SUMF1: variants seen among roughly 807,000 people sequenced by gnomAD.
The protein encoded by SUMF1 is formylglycine-generating enzyme.
Under a neutral mutation model 47.6 loss-of-function variants are expected in SUMF1, and 48 were observed. The observed-to-expected ratio is 1.01, with a 90% CI of 0.80 to 1.28. The LOEUF (loss-of-function observed/expected upper bound fraction) is 1.28. SUMF1 is among the 50% of genes most tolerant of loss of function. SUMF1 has a pLI of 0.00. For synonymous variants in SUMF1, 230 were observed against 192.1 expected (o/e 1.20, Z -1.63); for missense variants, 571 against 485.4 (o/e 1.18, Z -1.66).
intron 8 of SUMF1, among the ~76,000 whole-genome samples, chr3:4,304,809 G>T (rs1473450489): frequency 6.6e-6 from 1 of 152,110 alleles, no homozygotes; most frequent in Non-Finnish European, 1.5e-5. Context: ...AAATATGAGT[G>T]ACCATGGCCT....
intron 3 of SUMF1, among the ~76,000 whole-genome samples, chr3:4,442,256 T>TA (rs1702616963): frequency 1.6e-4 from 18 of 115,960 alleles, no homozygotes; most frequent in African/African-American, 4.7e-4. Context: ...CACCATGAAC[T>TA]CTTTTTTTTT....
At chr3:4,373,492 C>T (rs1353398148) in intron 8 of SUMF1, among the ~76,000 whole-genome samples, 1 of 151,996 alleles carries the variant, frequency 6.6e-6, no homozygotes, top group Non-Finnish European at 1.5e-5. Context: ...CTGGCTCACA[C>T]CTGTAGTCCC....
At chr3:4,219,895 GT>G (rs1696023268) in intron 8 of SUMF1, among the ~76,000 whole-genome samples, 1 of 152,116 alleles carries the variant, frequency 6.6e-6, no homozygotes, top group African/African-American at 2.4e-5. Flanking sequence ...ATCCTGGGAT[GT>G]TTTAAGCCAG....
intron 8 of SUMF1, among the ~76,000 whole-genome samples, chr3:4,369,550 G>C (rs574069937): frequency 6.6e-6 from 1 of 152,174 alleles, no homozygotes; most frequent in Non-Finnish European, 1.5e-5. Context: ...TCAGGTTCAG[G>C]GGGAGCTACA....
At chr3:4,124,284 T>A (rs1693607608) in intron 8 of SUMF1, among the ~76,000 whole-genome samples, 2 of 152,126 alleles carry the variant, frequency 1.3e-5, no homozygotes, top group Admixed American at 6.5e-5. Context: ...CAAATGCCCA[T>A]TCAATTCAAT....
intron 8 of SUMF1, among the ~76,000 whole-genome samples, chr3:4,084,657 G>A (rs1461987661): frequency 6.6e-6 from 1 of 152,044 alleles, no homozygotes; most frequent in Non-Finnish European, 1.5e-5. Context: ...TGTGATCTTT[G>A]ATCCATAGAA....
Position 4,090,996 on chromosome 3 carries a change from G to A in SUMF1, c.1015-22251C>T, listed in dbSNP as rs572282113. On this transcript the variant is annotated intron_variant and NMD_transcript_variant, in intron 8 of 12. Transcript: ENST00000448413. ...CTTGGGAGGCTGAGGCAGGAGAATC[G>A]CTTGAACCAGAGAGGCGGAGGTTGC... 2.6e-3 allele frequency among the ~76,000 whole-genome samples: 387 copies of A among 151,646 alleles called. 2 individuals carry two copies. Among genetic ancestry groups the A allele is most frequent in the Non-Finnish European group, 4.2e-3 (288 of 67,928 alleles).
intron 8 of SUMF1, among the ~76,000 whole-genome samples, chr3:4,375,321 A>G (rs531927786): frequency 1.4e-3 from 214 of 152,256 alleles, no homozygotes; most frequent in African/African-American, 4.7e-3. Flanking sequence ...CATAAAATCT[A>G]GAGAGATTTG....
intron 8 of SUMF1, among the ~76,000 whole-genome samples, chr3:4,213,522 A>G (rs1029412964): frequency 6.6e-6 from 1 of 152,182 alleles, no homozygotes; most frequent in Non-Finnish European, 1.5e-5. Context: ...CAAAACAACC[A>G]GCTAGCATCA....
intron 8 of SUMF1, among the ~76,000 whole-genome samples, chr3:4,097,497 G>A (rs1450015468): frequency 6.6e-6 from 1 of 151,992 alleles, no homozygotes; most frequent in East Asian, 1.9e-4. Flanking sequence ...AGGTTGCAGT[G>A]AGCCAAGATC....
intron 8 of SUMF1, among the ~76,000 whole-genome samples, chr3:4,138,470 T>C (rs1041261909): frequency 1.3e-5 from 2 of 152,124 alleles, no homozygotes; most frequent in African/African-American, 2.4e-5. Flanking sequence ...AATCAGAGAC[T>C]AAACTTATTA....
chr3:4,206,030 G>T (rs1695645390), intron 8 of SUMF1, among the ~76,000 whole-genome samples: 1 of 152,002 alleles, frequency 6.6e-6, no homozygotes, highest in African/African-American at 2.4e-5. Flanking sequence ...GTTTCCTTCT[G>T]GTTCAGGGTG....
At chr3:4,296,073 CCA>C (rs1697843531) in intron 8 of SUMF1, among the ~76,000 whole-genome samples, 1 of 151,420 alleles carries the variant, frequency 6.6e-6, no homozygotes, top group East Asian at 1.9e-4. Context: ...TAATAAATTG[CCA>C]CATTTTTTCT....
In SUMF1 at chr3:4,193,051, G is replaced by T. The variant is rs529037734; in HGVS notation, c.1015-124306C>A. 4.6e-5 allele frequency among the ~76,000 whole-genome samples: 7 copies of T among 152,136 alleles called. No individual in the cohort carries two copies. In the South Asian group the frequency reaches 1.2e-3, roughly 27 times the overall value. On this transcript the variant is annotated intron_variant and NMD_transcript_variant, in intron 8 of 12. Transcript: ENST00000448413. ...ATTCAATTAATGTTTTTTAAATGCA[G>T]TCCAGATATGAAGCCATATAATTGT...
In SUMF1 at chr3:4,417,256, C is replaced by A. The variant is rs370793169; in HGVS notation, c.726-14G>T. ...CAGGGGAAAAGTCTGTCAGAAGAGA[C>A]ACAGGCATCAGCCTGTCAAACAGGC... is the stretch of plus-strand genomic sequence containing the variant. On this transcript the variant is annotated splice_polypyrimidine_tract_variant and intron_variant, in intron 5 of 8. Coordinates refer to ENST00000272902, the MANE Select transcript of SUMF1 (RefSeq NM_182760.4). 8.9e-5 allele frequency: 144 copies of A among 1,611,162 alleles called. No individual in the cohort carries two copies. Among genetic ancestry groups the A allele is most frequent in the Non-Finnish European group, 1.2e-4 (139 of 1,177,564 alleles).
At chr3:4,037,357 T>G (rs1007613203) in intron 9 of SUMF1, among the ~76,000 whole-genome samples, 4 of 152,182 alleles carry the variant, frequency 2.6e-5, no homozygotes, top group African/African-American at 9.7e-5. Flanking sequence ...CACCTCCACT[T>G]TTAACCCATT....
In SUMF1 at chr3:4,302,573, C is replaced by T. The variant is rs180795900; in HGVS notation, c.1014+73757G>A. 4.5e-4 allele frequency among the ~76,000 whole-genome samples: 68 copies of T among 152,210 alleles called. No individual in the cohort carries two copies. The East Asian group carries it at 9.3e-3, about 21-fold the overall frequency. On this transcript the variant is annotated intron_variant and NMD_transcript_variant, in intron 8 of 12. Coordinates refer to the SUMF1 transcript ENST00000448413. Reference sequence around the variant, plus strand: ...TCCTGAATTCCAAAAGGAAGAAGGGCATAATGAGGCATGTTGGACCCCCCT... The same window carrying T: ...TCCTGAATTCCAAAAGGAAGAAGGGTATAATGAGGCATGTTGGACCCCCCT...
At chr3:4,254,266 T>C (rs1042402784) in intron 8 of SUMF1, among the ~76,000 whole-genome samples, 24 of 151,866 alleles carry the variant, frequency 1.6e-4, no homozygotes, top group African/African-American at 5.8e-4. Flanking sequence ...GGATGGAGAA[T>C]GACTTTGACG....
rs551672558 is a variant in SUMF1, at chr3:4,295,713, T to C, written c.1014+80617A>G. 4.6e-5 allele frequency among the ~76,000 whole-genome samples: 7 copies of C among 152,334 alleles called. No homozygotes were observed. The South Asian group carries it at 1.4e-3, about 32-fold the overall frequency. On this transcript the variant is annotated intron_variant and NMD_transcript_variant, in intron 8 of 12. Transcript: ENST00000448413. ...TATTGCAGGTTATATAAATACATAA[T>C]ACTCTTCTTTCACCTCTTCGCATAT...
Sources: allele counts gnomAD v4.1 joint callset (sites outside exome capture counted in the v4.1 genomes callset), GRCh38; gene constraint gnomAD v4.1.1; transcripts MANE v1.5; gene names NCBI Gene and HGNC (gene_info 2026-07-23, HGNC 2026-07-21).